The following VWC2L variants were observed in gnomAD, a reference collection of about 807,000 sequenced individuals.
VWC2L encodes the protein von Willebrand factor C domain containing 2 like, also known as von Willebrand factor C domain-containing protein 2-like.
A neutral mutation model predicts 21.6 loss-of-function variants in VWC2L; 10 were observed. That is an observed-to-expected ratio of 0.46 (90% confidence interval 0.29 to 0.78). The LOEUF is 0.78. VWC2L is among the 30% of genes least tolerant of loss of function. VWC2L has a pLI of 0.10. For synonymous variants in VWC2L, 96 were observed against 94.3 expected, an observed-to-expected ratio of 1.02 and a Z score of -0.10; for missense variants, 209 against 277.1, an observed-to-expected ratio of 0.75 and a Z score of 1.74.
At chr2:214,566,987 A>C (rs1442473259) in intron 3 of VWC2L, among the ~76,000 whole-genome samples, 1 of 152,190 alleles carries the variant, frequency 6.6e-6, no homozygotes, top group Non-Finnish European at 1.5e-5. Context: ...CTACAAGCCT[A>C]CTATTAGCTG....
intron 3 of VWC2L, among the ~76,000 whole-genome samples, chr2:214,561,204 T>C (rs530860013): frequency 6.6e-6 from 1 of 152,290 alleles, no homozygotes; most frequent in East Asian, 1.9e-4. Context: ...AATTTGCCCT[T>C]CAAAGATATC....
chr2:214,561,138 T>C (rs1689962933), intron 3 of VWC2L, among the ~76,000 whole-genome samples: 1 of 152,224 alleles, frequency 6.6e-6, no homozygotes, highest in African/African-American at 2.4e-5. Context: ...AAAAGACAGA[T>C]TGCTGGGCCC....
intron 3 of VWC2L, among the ~76,000 whole-genome samples, chr2:214,487,619 A>G: frequency 6.6e-6 from 1 of 152,216 alleles, no homozygotes; most frequent in Non-Finnish European, 1.5e-5. Flanking sequence ...AAGAATGAAT[A>G]GAAGTAAGCC....
At chr2:214,530,101 A>G (rs561954005) in intron 3 of VWC2L, among the ~76,000 whole-genome samples, 1 of 152,298 alleles carries the variant, frequency 6.6e-6, no homozygotes, top group South Asian at 2.1e-4. Flanking sequence ...CCATATGAGA[A>G]AAAAATGAAA....
chr2:214,527,668 T>C (rs1197694591), intron 3 of VWC2L, among the ~76,000 whole-genome samples: 2 of 152,122 alleles, frequency 1.3e-5, no homozygotes, highest in Non-Finnish European at 2.9e-5. Context: ...TAAGAGATGG[T>C]AAAGGAGATG....
intron 3 of VWC2L, among the ~76,000 whole-genome samples, chr2:214,479,795 A>G (rs568169751): frequency 6.6e-6 from 1 of 152,348 alleles, no homozygotes; most frequent in Admixed American, 6.5e-5. Flanking sequence ...CTGTCTCAAA[A>G]TAATAATAAT....
At chr2:214,428,592 G>T (rs1574559372) in intron 2 of VWC2L, among the ~76,000 whole-genome samples, 1 of 152,228 alleles carries the variant, frequency 6.6e-6, no homozygotes, top group East Asian at 1.9e-4. Flanking sequence ...TTTGTGGAAT[G>T]AGATAAGCTA....
Position 214,518,909 on chromosome 2 carries a change from C to A in VWC2L, c.521-56763C>A, listed in dbSNP as rs576530648. On this transcript the variant is annotated intron_variant, in intron 3 of 3. Transcript: ENST00000312504. ...GCCCTCTCATTTTTAAGGGGAGTATCCACTTTATTTTCCACATGCCCATCA... is the reference window on the plus strand; with the variant it reads ...GCCCTCTCATTTTTAAGGGGAGTATACACTTTATTTTCCACATGCCCATCA... 8.5e-4 allele frequency among the ~76,000 whole-genome samples: 130 copies of A among 152,192 alleles called. 1 individual carries two copies. In the South Asian group the frequency reaches 0.021, roughly 25 times the overall value.
At chr2:214,439,359 A>C (rs1239658318) in intron 3 of VWC2L, among the ~76,000 whole-genome samples, 3 of 152,034 alleles carry the variant, frequency 2.0e-5, no homozygotes, top group Admixed American at 1.3e-4. Flanking sequence ...ATGGTTATTA[A>C]CTATAACCAT....
chr2:214,532,908 T>C (rs1689461944), intron 3 of VWC2L, among the ~76,000 whole-genome samples: 1 of 21,288 alleles, frequency 4.7e-5, no homozygotes, highest in African/African-American at 1.2e-4. Context: ...ATACAGATGC[T>C]GGAGCAGTGA....
At chr2:214,559,814 T>C (rs1426064567) in intron 3 of VWC2L, among the ~76,000 whole-genome samples, 2 of 152,172 alleles carry the variant, frequency 1.3e-5, no homozygotes, top group Non-Finnish European at 2.9e-5. Context: ...TTGCCCAGGC[T>C]AGTCTTGAAT....
intron 3 of VWC2L, among the ~76,000 whole-genome samples, chr2:214,441,681 G>A (rs916727560): frequency 2.0e-5 from 3 of 151,868 alleles, no homozygotes; most frequent in Admixed American, 1.3e-4. Context: ...GAAAAGTTGG[G>A]AGAAAACCTA....
chr2:214,570,109 T>C lies in VWC2L; in HGVS notation c.521-5563T>C, dbSNP rs527330433. Among the ~76,000 whole-genome samples, 1,085 of 152,240 alleles carry C rather than the reference T, an allele frequency of 7.1e-3. 11 individuals are homozygous for C. The highest frequency in any genetic ancestry group is 9.6e-3 in the Non-Finnish European group (655 of 68,006). On this transcript the variant is annotated intron_variant, in intron 3 of 3. Coordinates refer to ENST00000312504, the MANE Select transcript of VWC2L (RefSeq NM_001080500.4). ...TTTTAAATGCTTTTTCTCTGATTAC[T>C]AGATACACTGGAAGGTGCTTTATGG...
intron 3 of VWC2L, among the ~76,000 whole-genome samples, chr2:214,504,102 T>TG (rs1433025018): frequency 1.3e-5 from 2 of 152,220 alleles, no homozygotes; most frequent in Non-Finnish European, 2.9e-5. Flanking sequence ...TACGACCAGT[T>TG]GGGTAGATGA....
chr2:214,436,901 CCATCTTAAAGTGAAA>C (rs1702686730), intron 3 of VWC2L, 143 bp downstream of exon 3: 1 of 1,010,490 alleles, frequency 9.9e-7, no homozygotes, highest in Non-Finnish European at 1.4e-6. Context: ...TATTTTTATC[CCATCTTAAAGTGAAA>C]ATAAACCTGC....
At chr2:214,526,621 A>T (rs1163767178) in intron 3 of VWC2L, among the ~76,000 whole-genome samples, 2 of 152,178 alleles carry the variant, frequency 1.3e-5, no homozygotes, top group Non-Finnish European at 2.9e-5. Flanking sequence ...GATAGGGAAA[A>T]TTCTGTTTCT....
At chr2:214,508,167 G>A (rs1688996856) in intron 3 of VWC2L, among the ~76,000 whole-genome samples, 2 of 152,094 alleles carry the variant, frequency 1.3e-5, no homozygotes, top group East Asian at 1.9e-4. Flanking sequence ...TAGTAGAGAC[G>A]GGGTTTTACC....
intron 3 of VWC2L, among the ~76,000 whole-genome samples, chr2:214,491,984 G>A (rs1357417006): frequency 2.0e-5 from 3 of 152,170 alleles, no homozygotes; most frequent in Admixed American, 1.3e-4. Flanking sequence ...AAGGAGAGGA[G>A]CATTGTTTTT....
intron 3 of VWC2L, among the ~76,000 whole-genome samples, chr2:214,474,463 G>T (rs2126194403): frequency 6.6e-6 from 1 of 152,178 alleles, no homozygotes; most frequent in Admixed American, 6.6e-5. Flanking sequence ...CAAGTATTTT[G>T]TCCAATATTT....
Sources: allele counts gnomAD v4.1 joint callset (sites outside exome capture counted in the v4.1 genomes callset), GRCh38; gene constraint gnomAD v4.1.1; transcripts MANE v1.5; gene names NCBI Gene and HGNC (gene_info 2026-07-23, HGNC 2026-07-21).